The following ANKS3 variants were observed in gnomAD, a reference collection of about 807,000 sequenced individuals.
ANKS3 encodes the protein ankyrin repeat and SAM domain-containing protein 3.
In ANKS3, 62 loss-of-function variants were observed where a neutral mutation model predicts 80.7. That is an observed-to-expected ratio of 0.77 (90% CI 0.63 to 0.95). ANKS3 has a LOEUF of 0.95. ANKS3 is among the 40% of genes least tolerant of loss of function. ANKS3 has a pLI of 0.00. For synonymous variants in ANKS3, 489 were observed against 355.3 expected, an observed-to-expected ratio of 1.38 and a Z score of -4.23; for missense variants, 1,150 against 883.6, an observed-to-expected ratio of 1.30 and a Z score of -3.82.
intron 5 of ANKS3, among the ~76,000 whole-genome samples, chr16:4,726,432 T>G (rs2081356511): frequency 6.6e-6 from 1 of 152,098 alleles, no homozygotes; most frequent in East Asian, 1.9e-4. Flanking sequence ...ATGACCCAGG[T>G]GGGTTTCAGA....
intron 7 of ANKS3, among the ~76,000 whole-genome samples, chr16:4,708,323 C>T (rs1050400090): frequency 6.6e-6 from 1 of 151,934 alleles, no homozygotes; most frequent in African/African-American, 2.4e-5. Context: ...TAGACAACTC[C>T]TGGGTGAAGG....
intron 6 of ANKS3, among the ~76,000 whole-genome samples, chr16:4,723,486 A>T (rs1304767071): frequency 6.6e-6 from 1 of 152,066 alleles, no homozygotes; most frequent in Non-Finnish European, 1.5e-5. Context: ...GTGGCGGCGC[A>T]ATCATAGCTC....
At chr16:4,698,773 C>A (rs1276140581) in intron 13 of ANKS3, 27 bp downstream of exon 13, 1 of 1,576,542 alleles carries the variant, frequency 6.3e-7, no homozygotes, top group Admixed American at 1.8e-5. Context: ...GTCACCCTGC[C>A]CCCCCATCCC....
chr16:4,723,242 A>G (rs191002472), intron 6 of ANKS3, among the ~76,000 whole-genome samples: 29 of 152,328 alleles, frequency 1.9e-4, no homozygotes, highest in African/African-American at 7.0e-4. Flanking sequence ...CAGTTGTTCA[A>G]CCATCACCAC....
In ANKS3 at chr16:4,696,887, A is replaced by G; in HGVS notation, c.*21T>C. 2.4e-6 allele frequency: 2 copies of G among 831,954 alleles called. No homozygotes were observed. The highest frequency in any genetic ancestry group is 1.6e-5 in the South Asian group (1 of 62,398). The allele number at this position is 831,954 out of a possible 1,614,324, so 51.5% of individuals were successfully genotyped here. A position where few individuals can be genotyped will look rare whatever the true frequency, so the allele number is the denominator to read the frequency against. Reference sequence around the variant, plus strand: ...AGCTTCAGGGTGGACCAATCACCCAACGTCAGATTCTGAAAGAAAAAGCCC... The same window carrying G: ...AGCTTCAGGGTGGACCAATCACCCAGCGTCAGATTCTGAAAGAAAAAGCCC... On this transcript the variant is annotated 3_prime_UTR_variant, in exon 18 of 18. Transcript: ENST00000304283.
At position 4,730,059 on chromosome 16, in the gene ANKS3, C is replaced by G. The variant is rs766618907; in HGVS notation, c.91G>C (p.Glu31Gln). ...WHGLGTQVSG[E>Q]ELDVPLDLHT... is the part of the protein sequence containing the mutation. The stretch of plus-strand genomic sequence containing the variant: ...AGATCCAGGGGGACATCCAGCTCCT[C>G]CCCGCTGACCTGTGTCCCGAGCCCG... Residue 31 changes from glutamate (E) to glutamine (Q), a missense_variant, in exon 3 of 18, where the codon GAG (glutamate) becomes CAG (glutamine). By Grantham distance (29) the Glu-to-Gln change is conservative. Transcript: ENST00000304283. 1 of 1,590,796 alleles carries G rather than the reference C, an allele frequency of 6.3e-7. No homozygotes were observed. The highest frequency in any genetic ancestry group is 1.1e-5 in the South Asian group (1 of 88,294).
At chr16:4,703,527 T>C (rs1008895649) in intron 8 of ANKS3, among the ~76,000 whole-genome samples, 2 of 151,758 alleles carry the variant, frequency 1.3e-5, no homozygotes, top group Non-Finnish European at 2.9e-5. Context: ...TTCAACCGAT[T>C]CTCCTGCCTC....
chr16:4,727,146 C>G lies in ANKS3; in HGVS notation c.202G>C (p.Gly68Arg). The G allele has an allele frequency of 6.2e-7, 1 of 1,614,188 alleles. No individual in the cohort carries two copies. Among genetic ancestry groups the G allele is most frequent in the East Asian group, 2.2e-5 (1 of 44,894 alleles). Reference sequence around the variant, plus strand: ...GCATACATCAGCGGGGTCCAGCCACCACCATTCTTCTTATTCAAATCTAAC... The same window carrying G: ...GCATACATCAGCGGGGTCCAGCCACGACCATTCTTCTTATTCAAATCTAAC... ...RELDLNKKNGGGWTPLMYASY... is the reference protein window; with the variant it reads ...RELDLNKKNGRGWTPLMYASY... Residue 68 changes from glycine to arginine, a missense_variant, in exon 4 of 18, where the codon GGT (glycine) becomes CGT (arginine). Transcript: ENST00000304283.
At chr16:4,724,977 C>G (rs1416513573) in intron 5 of ANKS3, 146 bp from the exon 6 acceptor site, 23 of 631,352 alleles carry the variant, frequency 3.6e-5, no homozygotes, top group Non-Finnish European at 6.2e-5. Context: ...TAACAGGTGA[C>G]ATGAGAACAG....
rs559347746 is a variant in ANKS3, at chr16:4,721,224, G to A, written c.573+3526C>T. Among the ~76,000 whole-genome samples the A allele has an allele frequency of 8.7e-5, 13 of 149,668 alleles. 1 individual carries two copies. Among genetic ancestry groups the A allele is most frequent in the African/African-American group, 2.4e-4 (10 of 41,010 alleles). On this transcript the variant is annotated intron_variant, in intron 6 of 17. Transcript: ENST00000304283. ...GGAGGCTGAGGCAGGAGAATGGTGTGAACCCGGAAGTCTGAGGTTGCAGTG... is the reference window on the plus strand; with the variant it reads ...GGAGGCTGAGGCAGGAGAATGGTGTAAACCCGGAAGTCTGAGGTTGCAGTG...
At chr16:4,711,393 G>A (rs539742344) in intron 7 of ANKS3, among the ~76,000 whole-genome samples, 5 of 151,608 alleles carry the variant, frequency 3.3e-5, no homozygotes, top group African/African-American at 9.7e-5. Flanking sequence ...ATAAGCCACC[G>A]CGCCTGGCCC....
intron 6 of ANKS3, 128 bp downstream of exon 6, chr16:4,724,622 A>G (rs991039306): frequency 9.9e-6 from 9 of 907,562 alleles, no homozygotes; most frequent in Middle Eastern, 5.1e-4. Flanking sequence ...TAGATAATGA[A>G]AATGTGTTGA....
intron 16 of ANKS3, 92 bp from the exon 17 acceptor site, chr16:4,697,196 C>T (rs905011269): frequency 1.3e-6 from 2 of 1,556,170 alleles, no homozygotes; most frequent in Non-Finnish European, 1.8e-6. Flanking sequence ...TGTGACCTGC[C>T]CCTCACCCGT....
At chr16:4,696,982 C>T (rs748631809) in intron 17 of ANKS3, 35 bp downstream of exon 17, 4 of 1,603,654 alleles carry the variant, frequency 2.5e-6, no homozygotes, top group Middle Eastern at 3.4e-4. Flanking sequence ...CCCTGCTGCT[C>T]CCACCACGCG....
In ANKS3 at chr16:4,706,388, T is replaced by C. The variant is rs553259186; in HGVS notation, c.710-1135A>G. On this transcript the variant is annotated intron_variant, in intron 7 of 17. Transcript: ENST00000304283. The stretch of plus-strand genomic sequence containing the variant: ...TGGGACTACAGGCACCCGGCCACCA[T>C]GCCCAGCTAATCTTGTTTTTGTATT... Among the ~76,000 whole-genome samples the C allele has an allele frequency of 6.2e-4, 94 of 152,132 alleles. 1 individual carries two copies. The highest frequency in any genetic ancestry group is 5.8e-4 in the East Asian group (3 of 5,164).
Position 4,698,826 on chromosome 16 carries a change from G to A in ANKS3, c.1525C>T (p.Gln509Ter), listed in dbSNP as rs1191816606. Residue 509 changes from glutamine to a stop codon, truncating the protein, a stop_gained, in exon 13 of 18, where the codon CAG (glutamine) becomes TAG (stop). Transcript: ENST00000304283. LOFTEE classifies it high-confidence loss of function. ...AYADRLEAEM[Q>*]ELAIQLHKRC... ...TTGTGCAGCTGGATGGCGAGCTCCTGCATCTCAGCCTCCAGCCGGTCGGCG... is the reference window on the plus strand; with the variant it reads ...TTGTGCAGCTGGATGGCGAGCTCCTACATCTCAGCCTCCAGCCGGTCGGCG... 3 of 1,607,260 alleles carry A rather than the reference G, an allele frequency of 1.9e-6. No homozygotes were observed. Among genetic ancestry groups the A allele is most frequent in the Admixed American group, 3.4e-5 (2 of 59,502 alleles).
chr16:4,715,526 C>A lies in ANKS3; in HGVS notation c.574-1340G>T, dbSNP rs859324. On this transcript the variant is annotated intron_variant, in intron 6 of 17. Transcript: ENST00000304283. The stretch of plus-strand genomic sequence containing the variant: ...CAGGAGGATCACTTAAGTCCCAGAG[C>A]TTGACGCTGCAGCGAGCTGAGATCG... Among the ~76,000 whole-genome samples, 12 of 151,962 alleles carry A rather than the reference C, an allele frequency of 7.9e-5. No homozygotes were observed. The East Asian group carries it at 2.3e-3, about 29-fold the overall frequency.
Position 4,724,752 on chromosome 16 carries a change from G to C in ANKS3, c.571C>G (p.His191Asp), listed in dbSNP as rs2081272414. Residue 191 changes from histidine to aspartate, a missense_variant and splice_region_variant, in exon 6 of 18, where the codon CAC (histidine) becomes GAC (aspartate). His to Asp is a moderately conservative substitution (Grantham distance 81). Transcript: ENST00000304283. ...TGCTAATAATCAGGGTCACTTACGT[G>C]ATTCAGAAAATACTGCACGATTATC... ...HEIIVQYFLN[H>D]GVKVDARDHS... 6.2e-7 allele frequency: 1 copy of C among 1,612,798 alleles called. No individual in the cohort carries two copies.
chr16:4,699,756 G>C (rs929820922), intron 11 of ANKS3: 1 of 155,248 alleles, frequency 6.4e-6, no homozygotes, highest in Non-Finnish European at 1.4e-5. Flanking sequence ...CATTCTTTCT[G>C]TTCCTCAAGC....
Sources: allele counts gnomAD v4.1 joint callset (sites outside exome capture counted in the v4.1 genomes callset), GRCh38; gene constraint gnomAD v4.1.1; transcripts MANE v1.5; gene names NCBI Gene and HGNC (gene_info 2026-07-23, HGNC 2026-07-21).